The following SLC27A6 variants were observed in gnomAD, a reference collection of about 807,000 sequenced individuals.
SLC27A6 encodes solute carrier family 27 member 6.
Under a neutral mutation model 63.9 loss-of-function variants are expected in SLC27A6, and 74 were observed. The ratio of observed to expected loss-of-function variants is 1.16; its 90% CI spans 0.96 to 1.40. SLC27A6 has a LOEUF of 1.40. Ranked by LOEUF, SLC27A6 falls within the 40% of genes most tolerant of loss-of-function variation. The pLI, the probability that SLC27A6 is intolerant of heterozygous loss-of-function variation, is 0.00. For missense variants in SLC27A6, 794 were observed against 732.9 expected, an observed-to-expected ratio of 1.08 and a Z score of -0.96; for synonymous variants, 287 against 260.8, an observed-to-expected ratio of 1.10 and a Z score of -0.97.
At chr5:128,996,468 AG>A (rs1458162857) in intron 4 of SLC27A6, among the ~76,000 whole-genome samples, 5 of 152,322 alleles carry the variant, frequency 3.3e-5, no homozygotes, top group African/African-American at 1.2e-4. Context: ...GGTGTTTTAA[AG>A]TATCAGTGTA....
rs1428160141 is a variant in SLC27A6 at position 129,016,410 on chromosome 5, A to AG, written c.1164+331_1164+332insG. ...GACTCTGTCTCAAAAAAAAAAAAAAAAAAAAAAAGGAGCACCTTGTGGTCT... is the reference window on the plus strand; with the variant it reads ...GACTCTGTCTCAAAAAAAAAAAAAAAGAAAAAAAAGGAGCACCTTGTGGTCT... On this transcript the variant is annotated intron_variant, in intron 5 of 9. Transcript: ENST00000262462. Among the ~76,000 whole-genome samples the AG allele has an allele frequency of 4.3e-4, 63 of 146,498 alleles. 1 individual carries two copies. Among genetic ancestry groups the AG allele is most frequent in the Middle Eastern group, 3.5e-3 (1 of 282 alleles).
At chr5:129,031,790 T>C (rs943107159) in intron 9 of SLC27A6, among the ~76,000 whole-genome samples, 2 of 151,974 alleles carry the variant, frequency 1.3e-5, no homozygotes, top group African/African-American at 4.8e-5. Context: ...AGCTTAAAAA[T>C]GGCAGAACAC....
At chr5:129,015,737 T>C (rs1213276737) in intron 4 of SLC27A6, 148 bp from the exon 5 acceptor site, 3 of 564,908 alleles carry the variant, frequency 5.3e-6, no homozygotes, top group Non-Finnish European at 9.0e-6. Flanking sequence ...TTGGACACAG[T>C]TCTGCAATAG....
intron 4 of SLC27A6, among the ~76,000 whole-genome samples, chr5:129,008,380 T>C (rs1751616628): frequency 6.6e-6 from 1 of 152,226 alleles, no homozygotes. Flanking sequence ...TAAGCTTGTA[T>C]AGCTATAGCC....
intron 1 of SLC27A6, among the ~76,000 whole-genome samples, chr5:128,972,007 C>G (rs950750686): frequency 1.3e-5 from 2 of 152,112 alleles, no homozygotes; most frequent in African/African-American, 2.4e-5. Context: ...GATATTATTT[C>G]TCCTTCACTT....
At chr5:129,015,163 T>C (rs1751850864) in intron 4 of SLC27A6, among the ~76,000 whole-genome samples, 1 of 152,162 alleles carries the variant, frequency 6.6e-6, no homozygotes, top group Non-Finnish European at 1.5e-5. Flanking sequence ...TAATATATTT[T>C]TACTCTAATT....
chr5:129,005,650 T>G (rs1417259709), intron 4 of SLC27A6, among the ~76,000 whole-genome samples: 3 of 140,358 alleles, frequency 2.1e-5, no homozygotes, highest in Non-Finnish European at 4.5e-5. Context: ...TCTCGCTCTG[T>G]CGCTCAGGCT....
intron 6 of SLC27A6, among the ~76,000 whole-genome samples, chr5:129,025,721 T>TATGATGATGATGATG (rs562276860): frequency 3.3e-5 from 5 of 151,834 alleles, no homozygotes; most frequent in African/African-American, 1.2e-4. Flanking sequence ...ATGGTGATGA[T>TATGATGATGATGATG]ATGATGATGA....
At chr5:129,015,668 C>T (rs1490949961) in intron 4 of SLC27A6, among the ~76,000 whole-genome samples, 2 of 151,994 alleles carry the variant, frequency 1.3e-5, no homozygotes. Context: ...ATGAGCTGTT[C>T]CCAGATATGG....
chr5:128,995,727 G>A lies in SLC27A6; in HGVS notation c.969+5263G>A, dbSNP rs552928161. The stretch of plus-strand genomic sequence containing the variant: ...ACCTGAATGTTTGAAGAGAAGGAGG[G>A]TATGCTGGGCCATCCATTGACTAGA... On this transcript the variant is annotated intron_variant, in intron 4 of 9. Coordinates refer to ENST00000262462, the MANE Select transcript of SLC27A6 (RefSeq NM_001017372.3). 5.3e-5 allele frequency among the ~76,000 whole-genome samples: 8 copies of A among 152,272 alleles called. No individual in the cohort carries two copies. In the South Asian group the frequency reaches 1.7e-3, roughly 32 times the overall value.
At chr5:129,007,010 C>G (rs1751563530) in intron 4 of SLC27A6, among the ~76,000 whole-genome samples, 1 of 151,640 alleles carries the variant, frequency 6.6e-6, no homozygotes, top group Non-Finnish European at 1.5e-5. Context: ...AAAGTTAATT[C>G]TAGATAAATG....
intron 4 of SLC27A6, among the ~76,000 whole-genome samples, chr5:129,011,264 A>G (rs780528972): frequency 3.0e-4 from 46 of 152,218 alleles, no homozygotes; most frequent in Non-Finnish European, 5.9e-4. Context: ...CCCATGGTCT[A>G]TGACAGTCCC....
intron 4 of SLC27A6, among the ~76,000 whole-genome samples, chr5:129,002,395 A>G (rs554651597): frequency 6.6e-6 from 1 of 152,266 alleles, no homozygotes; most frequent in Non-Finnish European, 1.5e-5. Context: ...TAAATAGAGC[A>G]TGGGCTTTTG....
intron 1 of SLC27A6, among the ~76,000 whole-genome samples, chr5:128,976,445 C>T (rs776523184): frequency 5.9e-5 from 9 of 152,118 alleles, no homozygotes; most frequent in East Asian, 1.9e-4. Flanking sequence ...ACCTGGGAGG[C>T]GGAGTTTGCA....
chr5:129,010,251 T>C (rs2047420080), intron 4 of SLC27A6, among the ~76,000 whole-genome samples: 1 of 152,186 alleles, frequency 6.6e-6, no homozygotes, highest in Non-Finnish European at 1.5e-5. Context: ...TAGCAGTAGT[T>C]CATTCTCTCT....
chr5:129,027,049 G>T, intron 6 of SLC27A6, 84 bp from the exon 7 acceptor site: 1 of 1,138,316 alleles, frequency 8.8e-7, no homozygotes, highest in Admixed American at 1.8e-5. Context: ...GGTTGTGCTG[G>T]CCAGATATAA....
chr5:128,968,187 G>A (rs148157479), intron 1 of SLC27A6, among the ~76,000 whole-genome samples: 36,673 of 152,078 alleles, frequency 0.24, 4,982 homozygotes, highest in Middle Eastern at 0.33. Flanking sequence ...TTGGCTCCAA[G>A]TCTTTGCTAT....
At position 129,020,856 on chromosome 5, in the gene SLC27A6, G is replaced by T. The variant is rs1194791915; in HGVS notation, c.1165-2764G>T. On this transcript the variant is annotated intron_variant, in intron 5 of 9. Coordinates refer to ENST00000262462, the MANE Select transcript of SLC27A6 (RefSeq NM_001017372.3). ...AAGGATCTAGATTATAATCAGCCCAGGGATGTCATATGTAAGGCAGAATCC... is the reference window on the plus strand; with the variant it reads ...AAGGATCTAGATTATAATCAGCCCATGGATGTCATATGTAAGGCAGAATCC... 3.3e-5 allele frequency among the ~76,000 whole-genome samples: 5 copies of T among 152,194 alleles called. No homozygotes were observed. In the East Asian group the frequency reaches 7.7e-4, roughly 24 times the overall value.
At chr5:129,020,367 G>C (rs1752035684) in intron 5 of SLC27A6, among the ~76,000 whole-genome samples, 1 of 152,122 alleles carries the variant, frequency 6.6e-6, no homozygotes, top group South Asian at 2.1e-4. Flanking sequence ...ATCACCTTCA[G>C]TTAAAATGCC....
Sources: gnomAD v4.1 joint callset for allele counts (sites outside exome capture counted in the v4.1 genomes callset) on GRCh38, gnomAD v4.1.1 for gene constraint, MANE v1.5 for transcripts, NCBI Gene and HGNC (gene_info 2026-07-23, HGNC 2026-07-21) for gene names.